ALDH3B2: variants seen among roughly 807,000 people sequenced by gnomAD.
The protein encoded by ALDH3B2 is aldehyde dehydrogenase 3 family member B2.
A neutral mutation model predicts 36.7 loss-of-function variants in ALDH3B2; 45 were observed. The ratio of observed to expected loss-of-function variants is 1.23; its 90% CI spans 0.97 to 1.57. The LOEUF is 1.57. Among genes scored for constraint, ALDH3B2 ranks in the 40% most tolerant of loss-of-function variants. The probability of loss-of-function intolerance (pLI) is 0.00; values close to 1 mark genes in which losing one functional copy is unlikely to be tolerated. For missense variants in ALDH3B2, 464 were observed against 513.3 expected, an observed-to-expected ratio of 0.90 and a Z score of 0.93; for synonymous variants, 217 against 226.5, an observed-to-expected ratio of 0.96 and a Z score of 0.38.
chr11:67,663,319 AG>A lies in ALDH3B2; in HGVS notation c.1053del (p.Ser352ProfsTer6), dbSNP rs754778027. The A allele has an allele frequency of 4.3e-6, 7 of 1,614,118 alleles. No individual in the cohort carries two copies. Among genetic ancestry groups the A allele is most frequent in the South Asian group, 3.3e-5 (3 of 91,076 alleles). On this transcript the variant is annotated frameshift_variant, in exon 10 of 10. Transcript: ENST00000349015. LOFTEE classifies it low-confidence loss of function (END_TRUNC). ...ATCTCCTTTAATTTCTCCAGGCCGGAGGGGGCGAGCAGGCAGGTGCGGTGGT... is the reference window on the plus strand; with the variant it reads ...ATCTCCTTTAATTTCTCCAGGCCGGAGGGGCGAGCAGGCAGGTGCGGTGGT...
chr11:67,677,222 G>T (rs1442129958), upstream of ALDH3B2, among the ~76,000 whole-genome samples: 1 of 152,060 alleles, frequency 6.6e-6, no homozygotes, highest in African/African-American at 2.4e-5. Flanking sequence ...CTAGCTAACC[G>T]AATTCAACAC....
intron 3 of ALDH3B2, 62 bp downstream of exon 3, chr11:67,666,844 G>C (rs1438711846): frequency 1.2e-6 from 2 of 1,612,814 alleles, no homozygotes; most frequent in East Asian, 4.5e-5. Flanking sequence ...GCAGAAGGGG[G>C]CCTGGGCCAG....
chr11:67,667,670 G>T, intron 1 of ALDH3B2, 35 bp from the exon 2 acceptor site: 1 of 324,350 alleles, frequency 3.1e-6, no homozygotes, highest in Non-Finnish European at 5.1e-6. Context: ...GGGTGGCCAG[G>T]GCTGCCCCTC....
chr11:67,666,349 G>GAC lies in ALDH3B2; in HGVS notation c.202_203dup (p.Leu69SerfsTer29). 6.2e-7 allele frequency: 1 copy of GAC among 1,606,242 alleles called. No individual in the cohort carries two copies. The highest frequency in any genetic ancestry group is 8.5e-7 in the Non-Finnish European group (1 of 1,176,448). ...GGTACTGGGGCAGCACCTCAGCCAG[G>GAC]ACCTTCTCTGTGCCCTGGCTGATTT... On this transcript the variant is annotated frameshift_variant, in exon 5 of 10. Transcript: ENST00000349015. LOFTEE classifies it high-confidence loss of function.
At chr11:67,678,398 G>A (rs1180434942), upstream of ALDH3B2, among the ~76,000 whole-genome samples, 3 of 152,068 alleles carry the variant, frequency 2.0e-5, no homozygotes, top group Non-Finnish European at 4.4e-5. Flanking sequence ...AAATGGTCCT[G>A]GGATAATTGG....
chr11:67,672,134 GTA>G (rs59299469), intron 1 of ALDH3B2, among the ~76,000 whole-genome samples: 6 of 97,620 alleles, frequency 6.1e-5, no homozygotes, highest in African/African-American at 2.9e-4. Context: ...GTGTGTGTGT[GTA>G]TATATATATG....
At chr11:67,665,248 T>G in intron 7 of ALDH3B2, 37 bp downstream of exon 7, 2 of 1,564,790 alleles carry the variant, frequency 1.3e-6, no homozygotes, top group Non-Finnish European at 1.7e-6. Context: ...GAAAGGGTCT[T>G]GGCCCAGGTG....
chr11:67,678,896 G>A (rs7114210), upstream of ALDH3B2, among the ~76,000 whole-genome samples: 26,997 of 151,854 alleles, frequency 0.18, 3,794 homozygotes, highest in African/African-American at 0.39. Context: ...GAGATTGGAG[G>A]CTATTATTCT....
exon 3 of ALDH3B2, chr11:67,666,907 A>G: frequency 2.5e-6 from 4 of 1,614,220 alleles, no homozygotes; most frequent in Non-Finnish European, 8.5e-7. Context: ...AGGGCTCACC[A>G]GGTTCGTGGA....
rs369105525 is a variant in ALDH3B2 at position 67,673,541 on chromosome 11, G to A, written c.-245+896C>T. Among the ~76,000 whole-genome samples, 11 of 152,222 alleles carry A rather than the reference G, an allele frequency of 7.2e-5. 1 individual carries two copies. In the East Asian group the frequency reaches 1.9e-3, roughly 27 times the overall value. On this transcript the variant is annotated intron_variant, in intron 1 of 9. Transcript: ENST00000349015. ...AGGGACCAACGTGTGCAAAAGCCCT[G>A]TGGGGGCAGATGCTGAGAAATAAGA...
At chr11:67,667,850 A>C in intron 1 of ALDH3B2, 7 of 161,180 alleles carry the variant, frequency 4.3e-5, no homozygotes, top group Non-Finnish European at 8.1e-5. Flanking sequence ...AGGTGTGCCC[A>C]TGAGGGAGGG....
intron 6 of ALDH3B2, 77 bp from the exon 7 acceptor site, chr11:67,665,748 T>A: frequency 2.0e-6 from 3 of 1,527,286 alleles, no homozygotes; most frequent in South Asian, 1.3e-5. Flanking sequence ...AGCCTGCTCC[T>A]CCCTGGAGAG....
chr11:67,666,980 A>G, exon 3 of ALDH3B2: 1 of 1,611,420 alleles, frequency 6.2e-7, no homozygotes, highest in Non-Finnish European at 8.5e-7. Flanking sequence ...TCGTTCTGGC[A>G]AAGGATGAGC....
At chr11:67,674,980 C>T (rs1364335832), upstream of ALDH3B2, among the ~76,000 whole-genome samples, 1 of 152,116 alleles carries the variant, frequency 6.6e-6, no homozygotes, top group African/African-American at 2.4e-5. Context: ...GGTCCCATGC[C>T]CCCCATGGCC....
At chr11:67,667,048 G>T in intron 2 of ALDH3B2, 32 bp from the exon 3 acceptor site, 2 of 1,361,238 alleles carry the variant, frequency 1.5e-6, no homozygotes, top group African/African-American at 1.4e-5. Context: ...GAGTGGTCAG[G>T]CCCAGACCTG....
chr11:67,676,882 A>AC (rs1244241764), upstream of ALDH3B2, among the ~76,000 whole-genome samples: 1 of 151,792 alleles, frequency 6.6e-6, no homozygotes, highest in South Asian at 2.1e-4. Context: ...GAAAAATACA[A>AC]CCCCCCTAGT....
chr11:67,669,809 T>A (rs1330833640), intron 1 of ALDH3B2, among the ~76,000 whole-genome samples: 85 of 124,946 alleles, frequency 6.8e-4, no homozygotes, highest in African/African-American at 2.3e-3. Flanking sequence ...TGTGTCCACG[T>A]GTGTCTGTGT....
upstream of ALDH3B2, among the ~76,000 whole-genome samples, chr11:67,679,431 G>A (rs57178591): frequency 0.054 from 8,189 of 151,322 alleles, 746 homozygotes; most frequent in African/African-American, 0.19. Context: ...AGATCTCACC[G>A]TAGCACTCCA....
chr11:67,678,289 C>A (rs914713677), upstream of ALDH3B2, among the ~76,000 whole-genome samples: 12 of 152,118 alleles, frequency 7.9e-5, no homozygotes, highest in African/African-American at 2.4e-4. Flanking sequence ...ACCAATGGAA[C>A]AGAATAGAGA....
Sources: allele counts gnomAD v4.1 joint callset (sites outside exome capture counted in the v4.1 genomes callset), GRCh38; gene constraint gnomAD v4.1.1; transcripts MANE v1.5; gene names NCBI Gene and HGNC (gene_info 2026-07-23, HGNC 2026-07-21).